The following FGGY variants were observed in gnomAD, a reference collection of about 807,000 sequenced individuals.
FGGY encodes FGGY carbohydrate kinase domain-containing protein.
A neutral mutation model predicts 71.3 loss-of-function variants in FGGY; 72 were observed. The observed-to-expected ratio is 1.01, with a 90% CI of 0.84 to 1.23. The LOEUF is 1.23. FGGY is among the 50% of genes most tolerant of loss of function. FGGY has a pLI of 0.00. For synonymous variants in FGGY, 251 were observed against 250.3 expected, an observed-to-expected ratio of 1.00 and a Z score of -0.02; for missense variants, 668 against 682.3, an observed-to-expected ratio of 0.98 and a Z score of 0.23.
intron 14 of FGGY, among the ~76,000 whole-genome samples, chr1:59,696,467 G>T (rs2154009375): frequency 6.6e-6 from 1 of 152,308 alleles, no homozygotes; most frequent in African/African-American, 2.4e-5. Flanking sequence ...TAAAATGTGT[G>T]AAATAGTACG....
chr1:59,456,185 T>A (rs1167377856), intron 5 of FGGY, among the ~76,000 whole-genome samples: 1 of 152,200 alleles, frequency 6.6e-6, no homozygotes, highest in Non-Finnish European at 1.5e-5. Flanking sequence ...TGCCATTTAC[T>A]TCTCCTTCTC....
chr1:59,569,693 TG>T (rs2095946765), intron 8 of FGGY, among the ~76,000 whole-genome samples: 1 of 152,246 alleles, frequency 6.6e-6, no homozygotes, highest in African/African-American at 2.4e-5. Flanking sequence ...TGGAAGTTTT[TG>T]TGACCGTAAG....
intron 14 of FGGY, among the ~76,000 whole-genome samples, chr1:59,709,466 TCACACACACACACACACACACA>T (rs111353878): frequency 7.0e-6 from 1 of 142,664 alleles, no homozygotes; most frequent in Non-Finnish European, 1.5e-5. Flanking sequence ...TGAAACTATA[TCACACACACACACACACACACA>T]CACACACACA....
At chr1:59,758,834 G>T (rs1372528445) in intron 15 of FGGY, among the ~76,000 whole-genome samples, 2 of 152,112 alleles carry the variant, frequency 1.3e-5, no homozygotes, top group Non-Finnish European at 2.9e-5. Flanking sequence ...GTAGGGGGAG[G>T]TCAGCTCATA....
chr1:59,478,728 T>C (rs186165413), intron 6 of FGGY, among the ~76,000 whole-genome samples: 1 of 152,256 alleles, frequency 6.6e-6, no homozygotes, highest in African/African-American at 2.4e-5. Context: ...TAAGTGTAGA[T>C]GATATTTGAA....
intron 14 of FGGY, among the ~76,000 whole-genome samples, chr1:59,722,310 G>T (rs1224170003): frequency 6.6e-6 from 1 of 152,100 alleles, no homozygotes; most frequent in South Asian, 2.1e-4. Flanking sequence ...GTCACCTAAG[G>T]TAGTGTTTGT....
chr1:59,432,979 C>T (rs945416842), intron 5 of FGGY, among the ~76,000 whole-genome samples: 8 of 152,220 alleles, frequency 5.3e-5, no homozygotes, highest in Non-Finnish European at 1.0e-4. Flanking sequence ...TATTTCCTTA[C>T]ATGATTACCT....
In FGGY at chr1:59,512,451, T is replaced by C. The variant is rs763407550; in HGVS notation, c.799+12T>C. 7 of 1,611,576 alleles carry C rather than the reference T, an allele frequency of 4.3e-6. No individual in the cohort carries two copies. Among genetic ancestry groups the C allele is most frequent in the Middle Eastern group, 1.7e-4 (1 of 6,046 alleles). ...TGCAGGAGGACTAGGTAATCTCTTA[T>C]TTGTTGCCTACAGCCAAAACCGTAT... On this transcript the variant is annotated intron_variant, in intron 7 of 15. Transcript: ENST00000303721.
At chr1:59,690,982 G>A (rs1375175251) in intron 14 of FGGY, among the ~76,000 whole-genome samples, 1 of 152,202 alleles carries the variant, frequency 6.6e-6, no homozygotes. Context: ...GGATGATCTG[G>A]AACAAGAGGT....
chr1:59,681,157 A>G (rs1302662288), intron 14 of FGGY, among the ~76,000 whole-genome samples: 1 of 152,224 alleles, frequency 6.6e-6, no homozygotes, highest in African/African-American at 2.4e-5. Flanking sequence ...CACTTTAGGT[A>G]GATATAAAAA....
At chr1:59,528,699 G>A (rs760178663) in intron 7 of FGGY, among the ~76,000 whole-genome samples, 18 of 152,248 alleles carry the variant, frequency 1.2e-4, no homozygotes, top group South Asian at 6.2e-4. Context: ...GAAACCCTCA[G>A]ATGGGAGTCT....
intron 5 of FGGY, among the ~76,000 whole-genome samples, chr1:59,417,477 TG>T (rs1443842589): frequency 6.6e-6 from 1 of 152,244 alleles, no homozygotes; most frequent in Non-Finnish European, 1.5e-5. Flanking sequence ...GTGGAATTGT[TG>T]GGTTTTATGG....
intron 8 of FGGY, among the ~76,000 whole-genome samples, chr1:59,590,504 A>G (rs560211962): frequency 6.6e-6 from 1 of 152,308 alleles, no homozygotes; most frequent in Non-Finnish European, 1.5e-5. Context: ...ATTTTAGACC[A>G]ATATCCTTGA....
intron 14 of FGGY, among the ~76,000 whole-genome samples, chr1:59,686,305 A>C (rs1461303463): frequency 6.6e-6 from 1 of 152,182 alleles, no homozygotes; most frequent in Non-Finnish European, 1.5e-5. Context: ...TCAGTACTAA[A>C]GCTTTTTACA....
At chr1:59,569,085 T>C (rs919644687) in intron 8 of FGGY, among the ~76,000 whole-genome samples, 2 of 152,212 alleles carry the variant, frequency 1.3e-5, no homozygotes, top group East Asian at 3.8e-4. Context: ...ACATTTATAC[T>C]TAAAAATTAT....
intron 8 of FGGY, among the ~76,000 whole-genome samples, chr1:59,557,465 G>A (rs1009294090): frequency 4.6e-5 from 7 of 152,152 alleles, no homozygotes; most frequent in African/African-American, 1.2e-4. Context: ...TAGAAGCTTC[G>A]TACCTCCAGG....
At chr1:59,373,412 T>C (rs1168647448) in intron 4 of FGGY, among the ~76,000 whole-genome samples, 3 of 152,022 alleles carry the variant, frequency 2.0e-5, no homozygotes, top group Non-Finnish European at 2.9e-5. Context: ...AAAGAGGATA[T>C]AAACAAATGG....
chr1:59,636,915 T>C (rs895053915), intron 10 of FGGY, among the ~76,000 whole-genome samples: 5 of 152,240 alleles, frequency 3.3e-5, no homozygotes, highest in African/African-American at 1.2e-4. Context: ...TACTTTTTTT[T>C]CTGCCATTAT....
chr1:59,314,758 C>T (rs2045091255), intron 1 of FGGY, among the ~76,000 whole-genome samples: 1 of 152,204 alleles, frequency 6.6e-6, no homozygotes, highest in Admixed American at 6.5e-5. Context: ...GTACCTACTG[C>T]ATACCAAATT....
Sources: gnomAD v4.1 joint callset for allele counts (sites outside exome capture counted in the v4.1 genomes callset) on GRCh38, gnomAD v4.1.1 for gene constraint, MANE v1.5 for transcripts, NCBI Gene and HGNC (gene_info 2026-07-23, HGNC 2026-07-21) for gene names.